Variants in WDPCP observed in about 807,000 individuals in gnomAD.
WDPCP encodes WD repeat-containing and planar cell polarity effector protein fritz homolog.
Under a neutral mutation model 93.1 loss-of-function variants are expected in WDPCP, and 71 were observed. That is an observed-to-expected ratio of 0.76 (90% CI 0.63 to 0.93). WDPCP has a LOEUF of 0.93. WDPCP is among the 40% of genes least tolerant of loss of function. The pLI is 0.00. For synonymous variants in WDPCP, 315 were observed against 315.0 expected (o/e 1.00, Z 0.00); for missense variants, 844 against 887.4 (o/e 0.95, Z 0.62).
At chr2:63,525,541 C>T in intron 1 of WDPCP, among the ~76,000 whole-genome samples, 1 of 152,086 alleles carries the variant, frequency 6.6e-6, no homozygotes, top group East Asian at 1.9e-4. Context: ...TCTTTAAATT[C>T]CAAGTTTCAT....
At chr2:63,589,468 G>C (rs1036110460), upstream of WDPCP, 2 of 1,381,992 alleles carry the variant, frequency 1.4e-6, no homozygotes, top group African/African-American at 1.4e-5. Flanking sequence ...TTTGTCACAG[G>C]GACCTTGAAA....
chr2:63,429,066 T>C (rs1696529418), intron 9 of WDPCP, among the ~76,000 whole-genome samples: 1 of 152,036 alleles, frequency 6.6e-6, no homozygotes, highest in Non-Finnish European at 1.5e-5. Flanking sequence ...AAATAAGCAA[T>C]GGGGAAAACA....
chr2:63,135,675 C>G (rs1670567341), intron 17 of WDPCP, among the ~76,000 whole-genome samples: 1 of 152,172 alleles, frequency 6.6e-6, no homozygotes, highest in African/African-American at 2.4e-5. Flanking sequence ...ATTATGGCAA[C>G]ATAATCCTCT....
At chr2:63,646,759 A>T (rs1710057010) in intron 3 of WDPCP, among the ~76,000 whole-genome samples, 1 of 152,228 alleles carries the variant, frequency 6.6e-6, no homozygotes, top group Non-Finnish European at 1.5e-5. Flanking sequence ...GTTTCCACTG[A>T]AAAGTCTGCT....
At chr2:63,330,615 G>C (rs1687907077) in intron 12 of WDPCP, among the ~76,000 whole-genome samples, 1 of 150,662 alleles carries the variant, frequency 6.6e-6, no homozygotes, top group African/African-American at 2.4e-5. Flanking sequence ...TTTTCCTGTT[G>C]TTGCCTATGA....
At chr2:63,589,650 T>C (rs1709122221), upstream of WDPCP, among the ~76,000 whole-genome samples, 1 of 152,246 alleles carries the variant, frequency 6.6e-6, no homozygotes, top group African/African-American at 2.4e-5. Context: ...ACTAAATAAC[T>C]ACTGCAAATA....
chr2:63,266,841 T>C (rs1349776260), intron 13 of WDPCP, among the ~76,000 whole-genome samples: 1 of 152,026 alleles, frequency 6.6e-6, no homozygotes. Context: ...AAAAAATAAA[T>C]AAATGGAAAG....
chr2:63,683,354 A>G (rs143752790), intron 2 of WDPCP, among the ~76,000 whole-genome samples: 77 of 152,310 alleles, frequency 5.1e-4, no homozygotes, highest in African/African-American at 1.8e-3. Flanking sequence ...CAAGAAACAC[A>G]TTTCATCTAT....
At chr2:63,805,172 A>G (rs1670746235) in intron 2 of WDPCP, among the ~76,000 whole-genome samples, 1 of 152,254 alleles carries the variant, frequency 6.6e-6, no homozygotes, top group African/African-American at 2.4e-5. Context: ...GGGACAATTT[A>G]CAATTTAAAT....
intron 12 of WDPCP, among the ~76,000 whole-genome samples, chr2:63,340,273 G>T (rs186462544): frequency 6.6e-6 from 1 of 152,062 alleles, no homozygotes; most frequent in African/African-American, 2.4e-5. Context: ...CAAATGGTGC[G>T]GTCCTAAAGG....
At chr2:63,477,590 A>G (rs1700042860) in intron 6 of WDPCP, among the ~76,000 whole-genome samples, 1 of 152,126 alleles carries the variant, frequency 6.6e-6, no homozygotes, top group Non-Finnish European at 1.5e-5. Flanking sequence ...GACACACATC[A>G]TGAACTTTTG....
At chr2:63,759,242 T>C (rs1007315339) in intron 2 of WDPCP, among the ~76,000 whole-genome samples, 5 of 152,086 alleles carry the variant, frequency 3.3e-5, no homozygotes, top group African/African-American at 1.2e-4. Context: ...CTAGCAATCT[T>C]GTATTTGTAG....
At chr2:63,363,337 A>G (rs13401126) in intron 12 of WDPCP, among the ~76,000 whole-genome samples, 15 of 152,102 alleles carry the variant, frequency 9.9e-5, no homozygotes, top group African/African-American at 3.4e-4. Context: ...AATGGATCAC[A>G]CCTGTAATCC....
At chr2:63,545,235 C>G (rs1448428577) in intron 1 of WDPCP, among the ~76,000 whole-genome samples, 1 of 151,574 alleles carries the variant, frequency 6.6e-6, no homozygotes, top group Non-Finnish European at 1.5e-5. Context: ...AGGAGAGAGC[C>G]AAATACAATT....
At chr2:63,169,756 T>C (rs1405940205) in intron 15 of WDPCP, among the ~76,000 whole-genome samples, 2 of 152,196 alleles carry the variant, frequency 1.3e-5, no homozygotes, top group Admixed American at 1.3e-4. Flanking sequence ...TTTTTACTTC[T>C]CATTTTCTTT....
chr2:63,122,325 T>G (rs1383803697), intron 17 of WDPCP, among the ~76,000 whole-genome samples: 2 of 152,196 alleles, frequency 1.3e-5, no homozygotes, highest in African/African-American at 4.8e-5. Flanking sequence ...TAGAAGCATC[T>G]GAGGGTTCCT....
Position 63,234,109 on chromosome 2 carries a change from A to T in WDPCP, c.1915+25198T>A, listed in dbSNP as rs184501441. Among the ~76,000 whole-genome samples, 3 of 152,326 alleles carry T rather than the reference A, an allele frequency of 2.0e-5. No individual in the cohort carries two copies. The East Asian group carries it at 5.8e-4, about 29-fold the overall frequency. On this transcript the variant is annotated intron_variant, in intron 14 of 17. Transcript: ENST00000272321. ...ATAATGTATGAACAGTGTTCAACAC[A>T]TTCTCCATCATACAGTAAATACTAA...
At chr2:63,720,741 A>C (rs1669404016) in intron 2 of WDPCP, among the ~76,000 whole-genome samples, 1 of 152,214 alleles carries the variant, frequency 6.6e-6, no homozygotes, top group African/African-American at 2.4e-5. Flanking sequence ...GTTCTTTGGG[A>C]ATTTCTGCTA....
intron 1 of WDPCP, among the ~76,000 whole-genome samples, chr2:63,523,902 ACT>A (rs964122064): frequency 6.6e-6 from 1 of 152,026 alleles, no homozygotes; most frequent in Non-Finnish European, 1.5e-5. Context: ...CAAGAGTGAA[ACT>A]CTGTCTCAAA....
Sources: gnomAD v4.1 joint callset for allele counts (sites outside exome capture counted in the v4.1 genomes callset) on GRCh38, gnomAD v4.1.1 for gene constraint, MANE v1.5 for transcripts, NCBI Gene and HGNC (gene_info 2026-07-23, HGNC 2026-07-21) for gene names.